The following USP10 variants were observed in gnomAD, a reference collection of about 807,000 sequenced individuals.
USP10 encodes ubiquitin specific peptidase 10.
A neutral mutation model predicts 84.5 loss-of-function variants in USP10; 22 were observed. That is an observed-to-expected ratio of 0.26 (90% CI 0.19 to 0.37). The LOEUF (loss-of-function observed/expected upper bound fraction) is 0.37. USP10 is among the 10% of genes least tolerant of loss of function. The pLI is 1.00. For missense variants in USP10, 1,019 were observed against 998.9 expected (o/e 1.02, Z -0.27); for synonymous variants, 454 against 387.6 (o/e 1.17, Z -2.01).
At position 84,768,177 on chromosome 16, in the gene USP10, T is replaced by C. The variant is rs1173928703; in HGVS notation, c.1833-16T>C. 1 of 1,563,056 alleles carries C rather than the reference T, an allele frequency of 6.4e-7. No individual in the cohort carries two copies. On this transcript the variant is annotated splice_polypyrimidine_tract_variant and intron_variant, in intron 10 of 13. Transcript: ENST00000219473. The stretch of plus-strand genomic sequence containing the variant: ...AGTGGTCTCTTAATTTTTTTGTTTT[T>C]GCTTTCAATTCTTAGGTCTGTGGTT...
chr16:84,746,981 A>C (rs1400023706), intron 4 of USP10, among the ~76,000 whole-genome samples: 4 of 152,222 alleles, frequency 2.6e-5, no homozygotes, highest in Non-Finnish European at 4.4e-5. Context: ...TAAACTTAAA[A>C]AGTAAGACAC....
At chr16:84,708,169 G>C (rs1202673247) in intron 1 of USP10, among the ~76,000 whole-genome samples, 1 of 152,016 alleles carries the variant, frequency 6.6e-6, no homozygotes, top group East Asian at 1.9e-4. Context: ...AAGAGGTCTG[G>C]CTGGGCGTGG....
chr16:84,760,723 A>AT (rs906228832), intron 8 of USP10, among the ~76,000 whole-genome samples: 4 of 151,646 alleles, frequency 2.6e-5, no homozygotes, highest in South Asian at 4.2e-4. Flanking sequence ...CCTTTACCTA[A>AT]TTTTTTTTTA....
At position 84,762,972 on chromosome 16, in the gene USP10, A is replaced by T. The variant is rs761298255; in HGVS notation, c.1555-17A>T. ...GTGATCAGTTCACAGTAACGTGATTATATTTGACCTTTTCAGGGTCGACAA... is the reference window on the plus strand; with the variant it reads ...GTGATCAGTTCACAGTAACGTGATTTTATTTGACCTTTTCAGGGTCGACAA... On this transcript the variant is annotated splice_polypyrimidine_tract_variant and intron_variant, in intron 8 of 13. Transcript: ENST00000219473. The T allele has an allele frequency of 1.3e-6, 2 of 1,560,042 alleles. No homozygotes were observed. Among genetic ancestry groups the T allele is most frequent in the Admixed American group, 1.7e-5 (1 of 58,842 alleles).
chr16:84,751,741 C>T (rs1323264397), intron 4 of USP10, among the ~76,000 whole-genome samples: 3 of 152,138 alleles, frequency 2.0e-5, no homozygotes, highest in African/African-American at 7.2e-5. Flanking sequence ...AGAATGATGA[C>T]AGAAAAGCAG....
Position 84,718,880 on chromosome 16 carries a change from C to T in USP10, c.22-14555C>T, listed in dbSNP as rs371625146. Among the ~76,000 whole-genome samples, 11 of 152,086 alleles carry T rather than the reference C, an allele frequency of 7.2e-5. 1 individual carries two copies. The highest frequency in any genetic ancestry group is 2.2e-4 in the African/African-American group (9 of 41,528). On this transcript the variant is annotated intron_variant, in intron 1 of 13. Transcript: ENST00000219473. ...CAGTCTCAGCTCACTGCAACCTCCACCTCCTGGGTTCAAGCGATTCTCCTG... is the reference window on the plus strand; with the variant it reads ...CAGTCTCAGCTCACTGCAACCTCCATCTCCTGGGTTCAAGCGATTCTCCTG...
In USP10 at chr16:84,745,079, A is replaced by C. The variant is rs1862792; in HGVS notation, c.598A>C (p.Met200Leu). The C allele has an allele frequency of 6.2e-7, 1 of 1,613,470 alleles. No homozygotes were observed. The highest frequency in any genetic ancestry group is 2.2e-5 in the East Asian group (1 of 44,876). ...AGAGGATGCAGAATTTATGGGTGAC[A>C]TGCCCCCGTCAGTTACGCCCAGGAC... ...SAEDAEFMGD[M>L]PPSVTPRTCN... Residue 200 changes from methionine (M) to leucine (L), a missense_variant, in exon 4 of 14, where the codon ATG (methionine) becomes CTG (leucine). Around this residue, in one of 2 missense-constraint regions of USP10, gnomAD observed 787 missense variants for 708.8 expected, o/e 1.11. Transcript: ENST00000219473.
intron 10 of USP10, among the ~76,000 whole-genome samples, chr16:84,766,696 G>A (rs913970600): frequency 5.3e-5 from 8 of 152,176 alleles, no homozygotes; most frequent in Admixed American, 3.9e-4. Context: ...CCATTTGGAG[G>A]ACTTGCTGGC....
At chr16:84,708,702 C>T (rs966776037) in intron 1 of USP10, among the ~76,000 whole-genome samples, 1 of 152,200 alleles carries the variant, frequency 6.6e-6, no homozygotes, top group Non-Finnish European at 1.5e-5. Context: ...CAACTCAGGT[C>T]CCACTCCTGA....
At chr16:84,729,508 T>G (rs1908934146) in intron 1 of USP10, among the ~76,000 whole-genome samples, 1 of 152,202 alleles carries the variant, frequency 6.6e-6, no homozygotes, top group Non-Finnish European at 1.5e-5. Context: ...AAAAGATACA[T>G]GTAGTTTATC....
intron 1 of USP10, chr16:84,716,146 G>C (rs910081239): frequency 6.6e-6 from 1 of 152,188 alleles, no homozygotes; most frequent in Admixed American, 6.5e-5. Context: ...TGGCCAGTTC[G>C]CTACTGTCCC....
rs570513363 is a variant in USP10 at position 84,772,734 on chromosome 16, C to T, written c.2143+49C>T. 9 of 1,604,006 alleles carry T rather than the reference C, an allele frequency of 5.6e-6. No individual in the cohort carries two copies. In the South Asian group the frequency reaches 7.7e-5, roughly 14 times the overall value. On this transcript the variant is annotated intron_variant, in intron 12 of 13. Transcript: ENST00000219473. ...GTGTTCGTGGTGACACACTCCTGCA[C>T]ATCAGAAGCTCAACCCTGTAGCATT...
chr16:84,777,061 G>A (rs1915098378), intron 13 of USP10, among the ~76,000 whole-genome samples: 1 of 152,188 alleles, frequency 6.6e-6, no homozygotes. Context: ...TGAGGTCACC[G>A]GACTGGTTAG....
intron 1 of USP10, among the ~76,000 whole-genome samples, chr16:84,712,408 G>C (rs1906431574): frequency 6.6e-6 from 1 of 152,196 alleles, no homozygotes; most frequent in African/African-American, 2.4e-5. Flanking sequence ...AGTCTGGTAT[G>C]GTCTGGCTGC....
intron 4 of USP10, among the ~76,000 whole-genome samples, chr16:84,758,314 C>G (rs1912820209): frequency 6.6e-6 from 1 of 152,174 alleles, no homozygotes; most frequent in Admixed American, 6.6e-5. Flanking sequence ...AGATATCTTT[C>G]TATCTAGTGT....
intron 8 of USP10, among the ~76,000 whole-genome samples, chr16:84,760,582 C>T (rs548686703): frequency 2.6e-5 from 4 of 152,316 alleles, no homozygotes; most frequent in Admixed American, 1.3e-4. Flanking sequence ...CAAGTCAGTT[C>T]TCTTAACCAC....
chr16:84,700,033 G>A lies in USP10; in HGVS notation c.-58G>A, dbSNP rs1471655043. 8 of 1,339,480 alleles carry A rather than the reference G, an allele frequency of 6.0e-6. No homozygotes were observed. The highest frequency in any genetic ancestry group is 4.7e-5 in the African/African-American group (3 of 64,132). The allele number at this position is 1,339,480 out of a possible 1,614,324, so 83.0% of individuals were successfully genotyped here. On this transcript the variant is annotated 5_prime_UTR_variant, in exon 1 of 14. Transcript: ENST00000219473. ...ATGTGCGGGCGAGAAGATGGCGGCG[G>A]CGGGGGAAGCAGCGTGAGCAGCCGG...
chr16:84,774,953 C>G (rs1444048668), intron 12 of USP10, among the ~76,000 whole-genome samples: 3 of 152,194 alleles, frequency 2.0e-5, no homozygotes, highest in African/African-American at 7.2e-5. Context: ...CTTTAGTGAG[C>G]TGGCTGCACA....
In USP10 at chr16:84,739,943, C is replaced by T. The variant is rs147355310; in HGVS notation, c.91-366C>T. 2.1e-3 allele frequency among the ~76,000 whole-genome samples: 318 copies of T among 152,326 alleles called. 2 individuals carry two copies. The highest frequency in any genetic ancestry group is 6.8e-3 in the African/African-American group (284 of 41,572). On this transcript the variant is annotated intron_variant, in intron 2 of 13. Coordinates refer to ENST00000219473, the MANE Select transcript of USP10 (RefSeq NM_005153.3). Reference sequence around the variant, plus strand: ...TCAGGAAGAGTCATCTTCGCTAGTGCACAAACAAAAGTGTCTGTGGTCTGG... The same window carrying T: ...TCAGGAAGAGTCATCTTCGCTAGTGTACAAACAAAAGTGTCTGTGGTCTGG...
Sources: allele counts gnomAD v4.1 joint callset (sites outside exome capture counted in the v4.1 genomes callset), GRCh38; gene constraint gnomAD v4.1.1; regional missense constraint gnomAD v4.1.1; transcripts MANE v1.5; gene names NCBI Gene and HGNC (gene_info 2026-07-23, HGNC 2026-07-21).